Variants in TNFRSF21 observed in about 807,000 individuals in gnomAD.
TNFRSF21 encodes tumor necrosis factor receptor superfamily member 21.
In TNFRSF21, 19 loss-of-function variants were observed where a neutral mutation model predicts 45.6. That is an observed-to-expected ratio of 0.42 (90% confidence interval 0.29 to 0.61). The LOEUF (loss-of-function observed/expected upper bound fraction) is 0.61, where lower values mean the gene tolerates loss of function less well. TNFRSF21 is among the 20% of genes least tolerant of loss of function. The pLI is 0.23. For missense variants in TNFRSF21, 737 were observed against 851.5 expected (o/e 0.87, Z 1.67); for synonymous variants, 314 against 335.5 (o/e 0.94, Z 0.70).
chr6:47,282,548 C>A (rs1374254012), intron 3 of TNFRSF21, among the ~76,000 whole-genome samples: 2 of 152,048 alleles, frequency 1.3e-5, no homozygotes, highest in South Asian at 2.1e-4. Flanking sequence ...TTTTTCTAAA[C>A]GTTTCGTTAT....
chr6:47,285,916 A>C lies in TNFRSF21; in HGVS notation c.748+28T>G. On this transcript the variant is annotated intron_variant, in intron 2 of 5. Transcript: ENST00000296861. ...CTCCACTGGGCTCAAAGCCTTCCTC[A>C]AATAAATAATTCATGAGGTTAAGTT... 6 of 1,605,918 alleles carry C rather than the reference A, an allele frequency of 3.7e-6. No individual in the cohort carries two copies. The South Asian group carries it at 6.7e-5, about 18-fold the overall frequency.
rs183105800 is a variant in TNFRSF21, at chr6:47,291,094, G to C, written c.97-4499C>G. Reference sequence around the variant, plus strand: ...TTGTCACCACTCTTAAGGATGGAGAGGCAGAAATTAACTCCAGGCAAGAAG... The same window carrying C: ...TTGTCACCACTCTTAAGGATGGAGACGCAGAAATTAACTCCAGGCAAGAAG... On this transcript the variant is annotated intron_variant, in intron 1 of 5. Coordinates refer to ENST00000296861, the MANE Select transcript of TNFRSF21 (RefSeq NM_014452.5). 3.7e-3 allele frequency among the ~76,000 whole-genome samples: 560 copies of C among 152,348 alleles called. 2 individuals are homozygous for C. Among genetic ancestry groups the C allele is most frequent in the Non-Finnish European group, 6.4e-3 (434 of 68,034 alleles).
intron 3 of TNFRSF21, among the ~76,000 whole-genome samples, chr6:47,258,309 G>T (rs975756333): frequency 6.6e-6 from 1 of 151,730 alleles, no homozygotes; most frequent in Non-Finnish European, 1.5e-5. Flanking sequence ...GACAGAGGTT[G>T]CAGTGAGCCA....
chr6:47,290,763 C>T (rs906416975), intron 1 of TNFRSF21, among the ~76,000 whole-genome samples: 3 of 152,188 alleles, frequency 2.0e-5, no homozygotes, highest in East Asian at 1.9e-4. Flanking sequence ...CCTCCACAGT[C>T]GGGCCCAGGC....
intron 2 of TNFRSF21, 33 bp from the exon 3 acceptor site, chr6:47,284,465 T>C: frequency 6.7e-7 from 1 of 1,503,218 alleles, no homozygotes; most frequent in South Asian, 1.4e-5. Context: ...GGGAAGAGCT[T>C]TTCCATATTT....
Position 47,238,070 on chromosome 6 carries a change from A to G in TNFRSF21, c.1510-3172T>C, listed in dbSNP as rs1007764510. ...GTCTCAAAAAAAAAGAAAGAAAAAAAGATATATTAACTTTGACAGCTAGAA... is the reference window on the plus strand; with the variant it reads ...GTCTCAAAAAAAAAGAAAGAAAAAAGGATATATTAACTTTGACAGCTAGAA... On this transcript the variant is annotated intron_variant, in intron 4 of 5. Coordinates refer to ENST00000296861, the MANE Select transcript of TNFRSF21 (RefSeq NM_014452.5). Among the ~76,000 whole-genome samples, 3 of 152,232 alleles carry G rather than the reference A, an allele frequency of 2.0e-5. No individual in the cohort carries two copies. The East Asian group carries it at 5.8e-4, about 29-fold the overall frequency.
At chr6:47,234,552 A>C (rs1418598506) in intron 5 of TNFRSF21, 118 bp downstream of exon 5, 1 of 808,770 alleles carries the variant, frequency 1.2e-6, no homozygotes, top group African/African-American at 1.8e-5. Context: ...CTTCCTGGGC[A>C]GGTAATTCAG....
chr6:47,244,323 C>CAAAAAA (rs764763953), intron 4 of TNFRSF21, among the ~76,000 whole-genome samples: 5 of 76,050 alleles, frequency 6.6e-5, no homozygotes, highest in Admixed American at 1.4e-4. Flanking sequence ...GACTCCGTCT[C>CAAAAAA]AAAAAAAAAA....
At chr6:47,251,134 T>C (rs1764896382) in intron 4 of TNFRSF21, among the ~76,000 whole-genome samples, 1 of 152,176 alleles carries the variant, frequency 6.6e-6, no homozygotes, top group Admixed American at 6.5e-5. Context: ...AGATAAAGGA[T>C]ACTCAACCTG....
chr6:47,252,529 C>CA (rs1211879247), intron 4 of TNFRSF21, among the ~76,000 whole-genome samples: 1 of 152,174 alleles, frequency 6.6e-6, no homozygotes, highest in East Asian at 1.9e-4. Context: ...ATGAGTCAGG[C>CA]ATTTTATATG....
intron 4 of TNFRSF21, among the ~76,000 whole-genome samples, chr6:47,242,025 A>T (rs1206205179): frequency 6.6e-6 from 1 of 152,144 alleles, no homozygotes; most frequent in Non-Finnish European, 1.5e-5. Flanking sequence ...CATGGGATGG[A>T]AGAAAGAACA....
At chr6:47,242,136 C>A (rs1764753445) in intron 4 of TNFRSF21, among the ~76,000 whole-genome samples, 1 of 152,006 alleles carries the variant, frequency 6.6e-6, no homozygotes, top group African/African-American at 2.4e-5. Context: ...GGAGCCAATG[C>A]AGAGCCTGCA....
intron 1 of TNFRSF21, among the ~76,000 whole-genome samples, chr6:47,291,150 C>T (rs762068681): frequency 1.3e-5 from 2 of 152,114 alleles, no homozygotes; most frequent in Non-Finnish European, 2.9e-5. Flanking sequence ...GAGGGAACAC[C>T]AGATCAAAAG....
intron 1 of TNFRSF21, among the ~76,000 whole-genome samples, chr6:47,290,471 T>C (rs1398074241): frequency 6.6e-6 from 1 of 152,134 alleles, no homozygotes; most frequent in Non-Finnish European, 1.5e-5. Context: ...CTTCTAAATC[T>C]AAAGTAAAAC....
At chr6:47,246,323 T>C (rs568418448) in intron 4 of TNFRSF21, among the ~76,000 whole-genome samples, 2 of 152,228 alleles carry the variant, frequency 1.3e-5, no homozygotes, top group African/African-American at 2.4e-5. Context: ...ACACAGAAAA[T>C]AGTTGCTAAG....
chr6:47,273,095 G>C (rs923479236), intron 3 of TNFRSF21, among the ~76,000 whole-genome samples: 2 of 152,152 alleles, frequency 1.3e-5, no homozygotes, highest in African/African-American at 4.8e-5. Context: ...ACAAAGAGGA[G>C]CTGGTACCAT....
intron 3 of TNFRSF21, among the ~76,000 whole-genome samples, chr6:47,272,841 G>A (rs1055837939): frequency 1.3e-5 from 2 of 152,102 alleles, no homozygotes; most frequent in Admixed American, 6.5e-5. Flanking sequence ...TATCACCACC[G>A]ATCCCACAGA....
At chr6:47,250,504 C>T (rs187011728) in intron 4 of TNFRSF21, among the ~76,000 whole-genome samples, 12 of 152,244 alleles carry the variant, frequency 7.9e-5, no homozygotes, top group African/African-American at 2.4e-4. Context: ...AATAATGAAC[C>T]GGCTGTTCTT....
intron 1 of TNFRSF21, among the ~76,000 whole-genome samples, chr6:47,292,733 T>G (rs1762744187): frequency 6.6e-6 from 1 of 152,238 alleles, no homozygotes; most frequent in Non-Finnish European, 1.5e-5. Flanking sequence ...AACATTTAAG[T>G]CTCTGCTCAA....
Sources: allele counts gnomAD v4.1 joint callset (sites outside exome capture counted in the v4.1 genomes callset), GRCh38; gene constraint gnomAD v4.1.1; transcripts MANE v1.5; gene names NCBI Gene and HGNC (gene_info 2026-07-23, HGNC 2026-07-21).